The following LUZP2 variants were observed in gnomAD, a reference collection of about 807,000 sequenced individuals.
LUZP2 encodes leucine zipper protein 2.
LUZP2 carries 52 observed loss-of-function variants against 51.6 expected under a neutral mutation model. That is an observed-to-expected ratio of 1.01 (90% CI 0.81 to 1.27). The LOEUF is 1.27. LUZP2 is among the 50% of genes most tolerant of loss of function. The pLI is 0.00. For synonymous variants in LUZP2, 154 were observed against 137.3 expected (o/e 1.12, Z -0.85); for missense variants, 436 against 395.4 (o/e 1.10, Z -0.87).
intron 5 of LUZP2, among the ~76,000 whole-genome samples, chr11:24,831,211 C>T (rs1170138382): frequency 6.6e-6 from 1 of 152,114 alleles, no homozygotes; most frequent in East Asian, 1.9e-4. Context: ...TCAAGAACAA[C>T]GTCTTGTTCA....
chr11:24,954,915 A>G (rs751693602), intron 7 of LUZP2, among the ~76,000 whole-genome samples: 109 of 152,158 alleles, frequency 7.2e-4, no homozygotes, highest in Non-Finnish European at 1.3e-3. Flanking sequence ...ATGAGTAGGA[A>G]CGGACCAGAA....
chr11:24,972,148 A>AAAC (rs1424032556), intron 7 of LUZP2, among the ~76,000 whole-genome samples: 6 of 150,708 alleles, frequency 4.0e-5, no homozygotes, highest in African/African-American at 7.3e-5. Flanking sequence ...CGAAAAAAAA[A>AAAC]AAAAAAAAAA....
chr11:24,882,931 A>C (rs923644926), intron 5 of LUZP2, among the ~76,000 whole-genome samples: 2 of 140,052 alleles, frequency 1.4e-5, no homozygotes, highest in African/African-American at 3.2e-5. Context: ...AAAGAACGAA[A>C]GAAAGAAAGA....
At chr11:24,538,096 A>C (rs10834373) in intron 1 of LUZP2, among the ~76,000 whole-genome samples, 60,608 of 151,638 alleles carry the variant, frequency 0.4, 12,443 homozygotes, top group Middle Eastern at 0.5. Flanking sequence ...GCAAGATGTG[A>C]ATAGGCAATT....
chr11:24,599,172 C>G (rs768370977), intron 1 of LUZP2, among the ~76,000 whole-genome samples: 4 of 152,020 alleles, frequency 2.6e-5, no homozygotes, highest in Non-Finnish European at 5.9e-5. Context: ...GATAGTCATG[C>G]TTTAGGTCTT....
intron 1 of LUZP2, among the ~76,000 whole-genome samples, chr11:24,672,659 C>T (rs1856434735): frequency 6.6e-6 from 1 of 152,142 alleles, no homozygotes; most frequent in Non-Finnish European, 1.5e-5. Context: ...CTGAGAAATG[C>T]ATTGTCATGG....
chr11:24,973,718 CAAT>C (rs1855811660), intron 7 of LUZP2, among the ~76,000 whole-genome samples: 1 of 151,988 alleles, frequency 6.6e-6, no homozygotes, highest in African/African-American at 2.4e-5. Flanking sequence ...GCAGGTTGTA[CAAT>C]TTCTATGTAG....
intron 1 of LUZP2, among the ~76,000 whole-genome samples, chr11:24,671,831 T>A (rs1404656401): frequency 6.6e-6 from 1 of 152,140 alleles, no homozygotes; most frequent in Non-Finnish European, 1.5e-5. Flanking sequence ...AGGTAGCCCA[T>A]GTAATCAATA....
At chr11:24,925,240 C>G (rs145607658) in intron 7 of LUZP2, among the ~76,000 whole-genome samples, 8 of 152,182 alleles carry the variant, frequency 5.3e-5, no homozygotes, top group Non-Finnish European at 1.2e-4. Context: ...GACAGCTGTG[C>G]CTGGATTTCA....
At chr11:24,797,500 A>G (rs1016171526) in intron 5 of LUZP2, among the ~76,000 whole-genome samples, 1 of 152,188 alleles carries the variant, frequency 6.6e-6, no homozygotes, top group African/African-American at 2.4e-5. Flanking sequence ...AGAAACTGTA[A>G]CTCAAGGACT....
At position 24,504,710 on chromosome 11, in the gene LUZP2, AT is replaced by A. The variant is rs955696034; in HGVS notation, c.62+7414del. Among the ~76,000 whole-genome samples, 265 of 151,622 alleles carry A rather than the reference AT, an allele frequency of 1.7e-3. 4 individuals carry two copies. The highest frequency in any genetic ancestry group is 8.7e-3 in the South Asian group (42 of 4,812). On this transcript the variant is annotated intron_variant, in intron 1 of 11. Coordinates refer to ENST00000336930, the MANE Select transcript of LUZP2 (RefSeq NM_001009909.4). ...CAAGCAATCAGCATGTAATTTAATA[AT>A]TTTTTTTTAAATTCAAAATAAATGA...
intron 1 of LUZP2, among the ~76,000 whole-genome samples, chr11:24,667,469 G>C (rs943721140): frequency 6.6e-6 from 1 of 152,124 alleles, no homozygotes; most frequent in African/African-American, 2.4e-5. Flanking sequence ...ACAGGCATGA[G>C]CTGCCGCGTC....
intron 5 of LUZP2, among the ~76,000 whole-genome samples, chr11:24,886,969 A>G (rs960810783): frequency 2.0e-5 from 3 of 152,098 alleles, no homozygotes; most frequent in Admixed American, 6.5e-5. Context: ...TTTAACAGAA[A>G]ACTTCTTTTA....
intron 1 of LUZP2, among the ~76,000 whole-genome samples, chr11:24,692,229 G>A (rs978702867): frequency 6.6e-6 from 1 of 151,744 alleles, no homozygotes; most frequent in Non-Finnish European, 1.5e-5. Context: ...AGTAATTGTT[G>A]TTACAGAGCT....
chr11:24,597,021 G>A (rs114625571), intron 1 of LUZP2, among the ~76,000 whole-genome samples: 215 of 152,246 alleles, frequency 1.4e-3, no homozygotes, highest in African/African-American at 4.9e-3. Flanking sequence ...TTTATAGCTT[G>A]TTTTAGGGAT....
chr11:24,949,765 A>T (rs1855022336), intron 7 of LUZP2, among the ~76,000 whole-genome samples: 1 of 151,672 alleles, frequency 6.6e-6, no homozygotes, highest in South Asian at 2.1e-4. Context: ...ATTTTCATAC[A>T]CAATGACATT....
chr11:24,643,564 C>T (rs567719398), intron 1 of LUZP2, among the ~76,000 whole-genome samples: 2 of 152,206 alleles, frequency 1.3e-5, no homozygotes, highest in Non-Finnish European at 2.9e-5. Flanking sequence ...AAACTTCTTC[C>T]TGCTTCATGC....
chr11:25,047,769 G>T (rs2134018125), intron 9 of LUZP2, among the ~76,000 whole-genome samples: 1 of 152,122 alleles, frequency 6.6e-6, no homozygotes, highest in East Asian at 1.9e-4. Flanking sequence ...GCCATATCAT[G>T]CTGACAGGGG....
intron 5 of LUZP2, among the ~76,000 whole-genome samples, chr11:24,774,413 ATTC>A (rs1394646630): frequency 7.5e-6 from 1 of 132,486 alleles, no homozygotes; most frequent in Non-Finnish European, 1.6e-5. Context: ...TAAAGAATAT[ATTC>A]TTTATATATC....
Sources: allele counts gnomAD v4.1 joint callset (sites outside exome capture counted in the v4.1 genomes callset), GRCh38; gene constraint gnomAD v4.1.1; transcripts MANE v1.5; gene names NCBI Gene and HGNC (gene_info 2026-07-23, HGNC 2026-07-21).